Variants in ANKS1B observed in about 807,000 individuals in gnomAD.
ANKS1B encodes the protein ankyrin repeat and sterile alpha motif domain containing 1B.
A neutral mutation model predicts 148.3 loss-of-function variants in ANKS1B; 36 were observed. That is an observed-to-expected ratio of 0.24 (90% confidence interval 0.19 to 0.32). The LOEUF (loss-of-function observed/expected upper bound fraction) is 0.32. ANKS1B is among the 10% of genes least tolerant of loss of function. The pLI is 1.00. For missense variants in ANKS1B, 1,157 were observed against 1,542.6 expected, an observed-to-expected ratio of 0.75 and a Z score of 4.19; for synonymous variants, 542 against 560.8, an observed-to-expected ratio of 0.97 and a Z score of 0.47.
chr12:98,763,989 C>T (rs1204195745), intron 25 of ANKS1B, among the ~76,000 whole-genome samples: 1 of 152,218 alleles, frequency 6.6e-6, no homozygotes, highest in Non-Finnish European at 1.5e-5. Context: ...TGCACTGCAG[C>T]CCAACACACT....
At chr12:99,108,146 A>G (rs1216007613) in intron 15 of ANKS1B, among the ~76,000 whole-genome samples, 1 of 152,246 alleles carries the variant, frequency 6.6e-6, no homozygotes, top group African/African-American at 2.4e-5. Flanking sequence ...TTCCTACTCC[A>G]GTCACTCTTT....
intron 9 of ANKS1B, among the ~76,000 whole-genome samples, chr12:99,643,747 C>T (rs1598705581): frequency 6.6e-6 from 1 of 152,170 alleles, no homozygotes; most frequent in African/African-American, 2.4e-5. Context: ...AGGTATGTCA[C>T]AAGAATTTCC....
downstream of ANKS1B, among the ~76,000 whole-genome samples, chr12:98,740,870 T>C (rs1366341663): frequency 1.3e-5 from 2 of 152,240 alleles, no homozygotes; most frequent in Non-Finnish European, 2.9e-5. Flanking sequence ...GCTTCCATCC[T>C]ATGGTCCTTA....
chr12:99,701,622 T>C (rs2054836484), intron 8 of ANKS1B, among the ~76,000 whole-genome samples: 1 of 152,160 alleles, frequency 6.6e-6, no homozygotes, highest in African/African-American at 2.4e-5. Flanking sequence ...TATTAAATAC[T>C]AGATCTTATT....
intron 24 of ANKS1B, among the ~76,000 whole-genome samples, chr12:98,776,217 C>G (rs2098672819): frequency 6.6e-6 from 1 of 152,230 alleles, no homozygotes; most frequent in Non-Finnish European, 1.5e-5. Context: ...AGATGGTAGA[C>G]TTCCTCCTTG....
intron 2 of ANKS1B, among the ~76,000 whole-genome samples, chr12:99,822,813 G>A (rs1279902449): frequency 6.6e-6 from 1 of 152,108 alleles, no homozygotes. Flanking sequence ...CCTGTAATGG[G>A]AATGCTGGGT....
At chr12:99,612,664 A>G (rs1178037117) in intron 9 of ANKS1B, among the ~76,000 whole-genome samples, 1 of 152,146 alleles carries the variant, frequency 6.6e-6, no homozygotes, top group Non-Finnish European at 1.5e-5. Context: ...AATCAACTGT[A>G]AAATGTTTTT....
chr12:99,776,409 G>A (rs184319647), intron 6 of ANKS1B, among the ~76,000 whole-genome samples: 1 of 152,150 alleles, frequency 6.6e-6, no homozygotes, highest in Non-Finnish European at 1.5e-5. Flanking sequence ...AAGTAAAGGA[G>A]GAGTATTATT....
chr12:99,662,319 C>T (rs2098481621), intron 8 of ANKS1B, among the ~76,000 whole-genome samples: 1 of 152,098 alleles, frequency 6.6e-6, no homozygotes, highest in Admixed American at 6.5e-5. Flanking sequence ...TTTCTAATAG[C>T]AATTATCACA....
At chr12:99,932,806 C>T (rs529643452) in intron 1 of ANKS1B, among the ~76,000 whole-genome samples, 2 of 152,172 alleles carry the variant, frequency 1.3e-5, no homozygotes, top group East Asian at 3.9e-4. Flanking sequence ...CTTTGGTTGC[C>T]TGTGCTTGTG....
intron 5 of ANKS1B, 62 bp downstream of exon 5, chr12:99,781,960 C>A: frequency 7.1e-7 from 1 of 1,417,208 alleles, no homozygotes; most frequent in South Asian, 1.3e-5. Context: ...TTTCCTTTGT[C>A]TATTCCCAAA....
chr12:99,606,507 C>T lies in ANKS1B; in HGVS notation c.1272+48560G>A, dbSNP rs537623224. Reference sequence around the variant, plus strand: ...TCATTATTTCTAGAGACATGCATTTCCTCAATTTTTTACATTTATTAATAG... The same window carrying T: ...TCATTATTTCTAGAGACATGCATTTTCTCAATTTTTTACATTTATTAATAG... On this transcript the variant is annotated intron_variant, in intron 9 of 26. Coordinates refer to ENST00000683438, the MANE Select transcript of ANKS1B (RefSeq NM_001352186.2). 2.0e-5 allele frequency among the ~76,000 whole-genome samples: 3 copies of T among 151,952 alleles called. No individual in the cohort carries two copies. In the East Asian group the frequency reaches 5.8e-4, roughly 29 times the overall value.
rs958675824 is a variant in ANKS1B at position 99,084,833 on chromosome 12, C to T, written c.2625+92G>A. 113 of 960,614 alleles carry T rather than the reference C, an allele frequency of 1.2e-4. 1 individual carries two copies. Among genetic ancestry groups the T allele is most frequent in the Non-Finnish European group, 1.7e-4 (111 of 641,626 alleles). The allele number at this position is 960,614 out of a possible 1,614,324, so 59.5% of individuals were successfully genotyped here. ...CTTGAGGTTGCATCAATATGTAGAA[C>T]TACTGTACTAAATACAAATACTCCT... is the stretch of plus-strand genomic sequence containing the variant. On this transcript the variant is annotated intron_variant, in intron 16 of 26. Coordinates refer to ENST00000683438, the MANE Select transcript of ANKS1B (RefSeq NM_001352186.2).
intron 14 of ANKS1B, among the ~76,000 whole-genome samples, chr12:99,217,844 C>T (rs1051081293): frequency 6.6e-6 from 1 of 152,134 alleles, no homozygotes; most frequent in Non-Finnish European, 1.5e-5. Flanking sequence ...TTGTATTATT[C>T]CCCTTATACA....
chr12:98,784,736 T>C (rs925508372), intron 22 of ANKS1B, among the ~76,000 whole-genome samples: 6 of 152,110 alleles, frequency 3.9e-5, no homozygotes, highest in Non-Finnish European at 7.4e-5. Context: ...GGTACAAAGA[T>C]CCCACATCAG....
intron 11 of ANKS1B, among the ~76,000 whole-genome samples, chr12:99,422,050 G>C (rs575535232): frequency 3.2e-4 from 48 of 152,242 alleles, no homozygotes. Flanking sequence ...AGCCATGCTT[G>C]CACAGCCTGC....
intron 10 of ANKS1B, among the ~76,000 whole-genome samples, chr12:99,493,237 T>A (rs2096571555): frequency 1.3e-5 from 2 of 152,202 alleles, no homozygotes; most frequent in South Asian, 2.1e-4. Context: ...AAAATCTGTA[T>A]CTTTAGCAGA....
chr12:98,885,852 A>C (rs2099738623), intron 17 of ANKS1B, among the ~76,000 whole-genome samples: 1 of 152,170 alleles, frequency 6.6e-6, no homozygotes, highest in Non-Finnish European at 1.5e-5. Context: ...AAGCAATAAA[A>C]CATAGCTCAA....
chr12:99,119,639 T>C (rs2062248479), intron 15 of ANKS1B, among the ~76,000 whole-genome samples: 1 of 152,198 alleles, frequency 6.6e-6, no homozygotes, highest in African/African-American at 2.4e-5. Flanking sequence ...CATCACCTGC[T>C]GACATTTTTG....
Sources: gnomAD v4.1 joint callset for allele counts (sites outside exome capture counted in the v4.1 genomes callset) on GRCh38, gnomAD v4.1.1 for gene constraint, MANE v1.5 for transcripts, NCBI Gene and HGNC (gene_info 2026-07-23, HGNC 2026-07-21) for gene names.